TGFB2: variants seen among roughly 807,000 people sequenced by gnomAD.
TGFB2 encodes the protein transforming growth factor beta-2 proprotein.
TGFB2 carries 13 observed loss-of-function variants against 42.7 expected under a neutral mutation model. The observed-to-expected ratio is 0.30, with a 90% CI of 0.20 to 0.48. The LOEUF is 0.48. Among genes scored for constraint, TGFB2 ranks in the 20% least tolerant of loss-of-function variants. The probability of loss-of-function intolerance (pLI) is 0.99; values close to 1 mark genes in which losing one functional copy is unlikely to be tolerated. For synonymous variants in TGFB2, 193 were observed against 193.6 expected (o/e 1.00, Z 0.03); for missense variants, 390 against 517.5 (o/e 0.75, Z 2.39).
intron 1 of TGFB2, among the ~76,000 whole-genome samples, chr1:218,377,690 C>A (rs893292844): frequency 6.7e-6 from 1 of 148,342 alleles, no homozygotes; most frequent in Non-Finnish European, 1.5e-5. Flanking sequence ...CCACCCCCGA[C>A]CCCTGGGAAG....
chr1:218,435,862 G>A, intron 4 of TGFB2, 108 bp from the exon 5 acceptor site: 1 of 1,099,900 alleles, frequency 9.1e-7, no homozygotes, highest in Non-Finnish European at 1.3e-6. Context: ...ATGCTGCTTT[G>A]GTGGTCATCA....
At chr1:218,374,595 T>C (rs1657682219) in intron 1 of TGFB2, among the ~76,000 whole-genome samples, 1 of 152,234 alleles carries the variant, frequency 6.6e-6, no homozygotes, top group African/African-American at 2.4e-5. Context: ...CAAGCTTCCG[T>C]TTATATCTCT....
intron 2 of TGFB2, among the ~76,000 whole-genome samples, chr1:218,420,665 A>T (rs1659426362): frequency 6.6e-6 from 1 of 152,082 alleles, no homozygotes; most frequent in Non-Finnish European, 1.5e-5. Flanking sequence ...GTGTAACTTG[A>T]AGGCACATCT....
intron 2 of TGFB2, among the ~76,000 whole-genome samples, chr1:218,425,366 C>G (rs1178841751): frequency 6.6e-6 from 1 of 152,010 alleles, no homozygotes; most frequent in East Asian, 1.9e-4. Context: ...AGCCACCACG[C>G]CCGGCTAATT....
At chr1:218,400,137 T>C (rs1478386558) in intron 1 of TGFB2, among the ~76,000 whole-genome samples, 1 of 152,006 alleles carries the variant, frequency 6.6e-6, no homozygotes, top group Non-Finnish European at 1.5e-5. Flanking sequence ...AAGAATCCTA[T>C]AACTATATGA....
At chr1:218,405,426 A>T in intron 2 of TGFB2, 94 bp downstream of exon 2, 1 of 1,592,200 alleles carries the variant, frequency 6.3e-7, no homozygotes. Flanking sequence ...GTACAGTGGC[A>T]TGATCACAGC....
chr1:218,346,812 C>A lies in TGFB2; in HGVS notation c.111C>A (p.Ile37=), dbSNP rs1440677621. The A allele has an allele frequency of 4.3e-6, 7 of 1,614,150 alleles. No individual in the cohort carries two copies. Among genetic ancestry groups the A allele is most frequent in the Non-Finnish European group, 5.9e-6 (7 of 1,180,020 alleles). Residue 37 remains isoleucine, a synonymous_variant, in exon 1 of 7, where the codon ATC becomes ATA. Transcript: ENST00000366930. The surrounding 1 kb of genome is among the most constrained non-coding windows in gnomAD (Gnocchi z 4.9). ...TGGACCAGTTCATGCGCAAGAGGAT[C>A]GAGGCGATCCGCGGGCAGATCCTGA... ...LDMDQFMRKR[I]EAIRGQILSK... is the part of the protein sequence containing the mutation.
In TGFB2 at chr1:218,441,426, A is replaced by G. The variant is rs1309161752; in HGVS notation, c.*64A>G. On this transcript the variant is annotated 3_prime_UTR_variant, in exon 7 of 7. Coordinates refer to ENST00000366930, the MANE Select transcript of TGFB2 (RefSeq NM_003238.6). ...GATGATAATGATGATGACGACGACA[A>G]CGATGATGCTTGTAACAAGAAAACA... 1 of 1,508,690 alleles carries G rather than the reference A, an allele frequency of 6.6e-7. No individual in the cohort carries two copies. The highest frequency in any genetic ancestry group is 8.9e-7 in the Non-Finnish European group (1 of 1,125,976). The allele number at this position is 1,508,690 out of a possible 1,614,324, so 93.5% of individuals were successfully genotyped here. A position where few individuals can be genotyped will look rare whatever the true frequency, so the allele number is the denominator to read the frequency against.
Position 218,400,445 on chromosome 1 carries a change from C to T in TGFB2, c.347-4724C>T, listed in dbSNP as rs534560021. On this transcript the variant is annotated intron_variant, in intron 1 of 6. Transcript: ENST00000366930. The stretch of plus-strand genomic sequence containing the variant: ...CTAAAACTTGGAACATGTAGTCCAG[C>T]AGCTGCTGGGGTCCCCCTGCCACAA... Among the ~76,000 whole-genome samples, 80 of 152,178 alleles carry T rather than the reference C, an allele frequency of 5.3e-4. 1 individual carries two copies. Among genetic ancestry groups the T allele is most frequent in the African/African-American group, 1.9e-3 (77 of 41,522 alleles).
At chr1:218,417,997 G>A (rs568303882) in intron 2 of TGFB2, among the ~76,000 whole-genome samples, 55 of 152,386 alleles carry the variant, frequency 3.6e-4, no homozygotes, top group Non-Finnish European at 5.0e-4. Flanking sequence ...GAGAACCTCT[G>A]CTAGGGCAGT....
intron 1 of TGFB2, among the ~76,000 whole-genome samples, chr1:218,361,950 G>T (rs150911623): frequency 6.6e-6 from 1 of 152,188 alleles, no homozygotes; most frequent in Non-Finnish European, 1.5e-5. Context: ...CCCGCTGTTG[G>T]GTCTTCGTCT....
At chr1:218,436,190 C>T (rs1659967776) in intron 5 of TGFB2, 43 bp downstream of exon 5, 2 of 1,589,074 alleles carry the variant, frequency 1.3e-6, no homozygotes, top group African/African-American at 2.7e-5. Context: ...CATCTGTTAA[C>T]TCTTAAACTG....
intron 1 of TGFB2, among the ~76,000 whole-genome samples, chr1:218,396,418 T>C (rs963509761): frequency 1.3e-5 from 2 of 152,176 alleles, no homozygotes; most frequent in Non-Finnish European, 2.9e-5. Flanking sequence ...CCTGCCACCA[T>C]ATTCAGGAAG....
chr1:218,388,466 G>A (rs769426250), intron 1 of TGFB2, among the ~76,000 whole-genome samples: 1 of 152,188 alleles, frequency 6.6e-6, no homozygotes, highest in Non-Finnish European at 1.5e-5. Context: ...TGCCCACTGA[G>A]GTGGACCCGT....
At chr1:218,400,577 G>C (rs144278601) in intron 1 of TGFB2, among the ~76,000 whole-genome samples, 2 of 152,250 alleles carry the variant, frequency 1.3e-5, no homozygotes, top group African/African-American at 4.8e-5. Flanking sequence ...TTGGTACCTG[G>C]ATTAAGAGGG....
chr1:218,360,154 G>A (rs560540004), intron 1 of TGFB2, among the ~76,000 whole-genome samples: 3 of 152,258 alleles, frequency 2.0e-5, no homozygotes, highest in Admixed American at 1.3e-4. Context: ...AATTCAGTTC[G>A]TTTTAAGATG....
chr1:218,356,671 A>G (rs1657044198), intron 1 of TGFB2, among the ~76,000 whole-genome samples: 1 of 152,180 alleles, frequency 6.6e-6, no homozygotes, highest in African/African-American at 2.4e-5. Context: ...CGGGGCTTCT[A>G]TGTAATGTGC....
At chr1:218,434,545 G>A (rs1659911030) in intron 4 of TGFB2, 97 bp downstream of exon 4, 2 of 762,212 alleles carry the variant, frequency 2.6e-6, no homozygotes, top group Non-Finnish European at 2.2e-6. Context: ...AATGAGACTG[G>A]TAAGGCCTGG....
chr1:218,388,697 TCC>T lies in TGFB2; in HGVS notation c.347-16471_347-16470del, dbSNP rs543848214. Among the ~76,000 whole-genome samples the T allele has an allele frequency of 2.6e-4, 40 of 152,322 alleles. 1 individual carries two copies. In the South Asian group the frequency reaches 8.1e-3, roughly 31 times the overall value. On this transcript the variant is annotated intron_variant, in intron 1 of 6. Coordinates refer to ENST00000366930, the MANE Select transcript of TGFB2 (RefSeq NM_003238.6). Reference sequence around the variant, plus strand: ...GCCTGAACACTAATAACTTTCTCCATCCTGGTCCCTTCCAGACATTGTACACT... The same window carrying T: ...GCCTGAACACTAATAACTTTCTCCATTGGTCCCTTCCAGACATTGTACACT...
Sources: gnomAD v4.1 joint callset for allele counts (sites outside exome capture counted in the v4.1 genomes callset) on GRCh38, gnomAD v4.1.1 for gene constraint, Gnocchi (gnomAD v3.1) non-coding constraint, MANE v1.5 for transcripts, NCBI Gene and HGNC (gene_info 2026-07-23, HGNC 2026-07-21) for gene names.